PTGS2: variants seen among roughly 807,000 people sequenced by gnomAD.
The protein encoded by PTGS2 is prostaglandin-endoperoxide synthase 2.
PTGS2 carries 14 observed loss-of-function variants against 63.8 expected under a neutral mutation model. That is an observed-to-expected ratio of 0.22 (90% CI 0.14 to 0.34). The LOEUF (loss-of-function observed/expected upper bound fraction) is 0.34, where lower values mean the gene tolerates loss of function less well. Ranked by LOEUF, PTGS2 falls within the 10% of genes least tolerant of loss-of-function variation. PTGS2 has a pLI of 1.00. For missense variants in PTGS2, 533 were observed against 738.5 expected, an observed-to-expected ratio of 0.72 and a Z score of 3.23; for synonymous variants, 271 against 259.5, an observed-to-expected ratio of 1.04 and a Z score of -0.43.
chr1:186,675,807 T>C, intron 8 of PTGS2, 91 bp downstream of exon 8: 2 of 1,282,288 alleles, frequency 1.6e-6, no homozygotes, highest in Non-Finnish European at 2.1e-6. Context: ...CTAACTACTC[T>C]TTTAGTAAGT....
rs1194680056 is a variant in PTGS2, at chr1:186,676,865, G to A, written c.691C>T (p.Arg231Cys). 1.9e-6 allele frequency: 3 copies of A among 1,609,902 alleles called. No individual in the cohort carries two copies. The highest frequency in any genetic ancestry group is 1.3e-5 in the African/African-American group (1 of 74,798). ...GETLARQRKL[R>C]LFKDGKMKYQ... is the part of the protein sequence containing the mutation. Reference sequence around the variant, plus strand: ...TTCATTTTTCCATCCTTGAAAAGGCGCAGTTTACGCTGTCTAGCCAGAGTT... The same window carrying A: ...TTCATTTTTCCATCCTTGAAAAGGCACAGTTTACGCTGTCTAGCCAGAGTT... The change falls in exon 6 of 10, where the codon CGC becomes TGC. Residue 231 changes from arginine (R) to cysteine (C), a missense_variant. Physicochemically the swap from Arg to Cys is radical, Grantham distance 180. This residue lies in a region of PTGS2 where 118 missense variants were observed against 138.7 expected (regional missense o/e 0.85). Coordinates refer to ENST00000367468, the MANE Select transcript of PTGS2 (RefSeq NM_000963.4).
At chr1:186,678,465 T>G in intron 3 of PTGS2, 61 bp from the exon 4 acceptor site, 9 of 1,444,128 alleles carry the variant, frequency 6.2e-6, no homozygotes, top group Non-Finnish European at 8.4e-6. Flanking sequence ...AATCAACCAT[T>G]ATTTTTATTG....
intron 9 of PTGS2, among the ~76,000 whole-genome samples, chr1:186,675,034 C>T (rs965216703): frequency 3.3e-5 from 5 of 152,074 alleles, no homozygotes; most frequent in Non-Finnish European, 5.9e-5. Context: ...AAAAATTATC[C>T]ATGCGTGCGA....
In PTGS2 at chr1:186,676,301, A is replaced by G. The variant is rs573446951; in HGVS notation, c.971-117T>C. 1.2e-4 allele frequency: 168 copies of G among 1,370,200 alleles called. 2 individuals are homozygous for G. In the South Asian group the frequency reaches 2.3e-3, roughly 19 times the overall value. 84.9% of individuals were successfully genotyped at this position (1,370,200 alleles called of 1,614,324 possible). On this transcript the variant is annotated intron_variant, in intron 7 of 9. Coordinates refer to ENST00000367468, the MANE Select transcript of PTGS2 (RefSeq NM_000963.4). ...CTTCATTTCTGTTTTCTTCCTTGTC[A>G]GTATCAAAAGATAGCTATTTTATCA...
intron 7 of PTGS2, 58 bp downstream of exon 7, chr1:186,676,409 A>G (rs1190256428): frequency 6.3e-7 from 1 of 1,583,934 alleles, no homozygotes; most frequent in Non-Finnish European, 8.6e-7. Context: ...CATAACAAAG[A>G]TAGCACACTA....
chr1:186,678,260 C>T lies in PTGS2; in HGVS notation c.457+1G>A, dbSNP rs1323462344. ...ATCTCTAATGGATTCTTCTTACTCA[C>T]CTTTGACACCCAAGGGAGTCGGGCA... On this transcript the variant is annotated splice_donor_variant, in intron 4 of 9. Coordinates refer to ENST00000367468, the MANE Select transcript of PTGS2 (RefSeq NM_000963.4). LOFTEE classifies it high-confidence loss of function. The T allele has an allele frequency of 6.2e-7, 1 of 1,603,986 alleles. No homozygotes were observed. Among genetic ancestry groups the T allele is most frequent in the Non-Finnish European group, 8.5e-7 (1 of 1,175,884 alleles).
Position 186,674,577 on chromosome 1 carries a change from A to G in PTGS2, c.1591T>C (p.Trp531Arg). Residue 531 changes from tryptophan (W) to arginine (R), a missense_variant, in exon 10 of 10, where the codon TGG becomes CGG. Trp to Arg is a moderately radical substitution (Grantham distance 101, BLOSUM62 -3). Coordinates refer to ENST00000367468, the MANE Select transcript of PTGS2 (RefSeq NM_000963.4). Reference sequence around the variant, plus strand: ...TCTCCACCAAAAGTGCTTGGCTTCCAGTAGGCAGGAGAACATATAACATTA... The same window carrying G: ...TCTCCACCAAAAGTGCTTGGCTTCCGGTAGGCAGGAGAACATATAACATTA... ...MGNVICSPAY[W>R]KPSTFGGEVG... 1 of 1,614,250 alleles carries G rather than the reference A, an allele frequency of 6.2e-7. No homozygotes were observed. The highest frequency in any genetic ancestry group is 8.5e-7 in the Non-Finnish European group (1 of 1,180,046).
At position 186,678,376 on chromosome 1, in the gene PTGS2, T is replaced by A; in HGVS notation, c.342A>T (p.Pro114=). Residue 114 remains proline, a synonymous_variant, in exon 4 of 10, where the codon CCA becomes CCT. Transcript: ENST00000367468. Reference sequence around the variant, plus strand: ...TGTAGCCATAGTCAGCATTGTAAGTTGGTGGACTGTCAATCAAATGTGATC... The same window carrying A: ...TGTAGCCATAGTCAGCATTGTAAGTAGGTGGACTGTCAATCAAATGTGATC... ...TSRSHLIDSP[P]TYNADYGYKS... 6.2e-7 allele frequency: 1 copy of A among 1,609,844 alleles called. No individual in the cohort carries two copies. Among genetic ancestry groups the A allele is most frequent in the Non-Finnish European group, 8.5e-7 (1 of 1,177,890 alleles).
intron 8 of PTGS2, chr1:186,675,629 G>A (rs892857573): frequency 1.6e-6 from 1 of 619,810 alleles, no homozygotes; most frequent in Non-Finnish European, 2.7e-6. Context: ...TAGTATTCAA[G>A]CCTAAAATAT....
chr1:186,678,172 A>G, intron 4 of PTGS2, 89 bp downstream of exon 4: 1 of 1,326,916 alleles, frequency 7.5e-7, no homozygotes. Flanking sequence ...GTTAATAAAT[A>G]AATGGTAGTC....
Position 186,680,362 on chromosome 1 carries a change from G to A in PTGS2, c.-72C>T. On this transcript the variant is annotated 5_prime_UTR_variant, in exon 1 of 10. Transcript: ENST00000367468. ...AGGGCGTCTGGCTGTGGAGCTGAAG[G>A]AGGCGCTGCTGAGGAGTTCCTGGAC... 1 of 1,227,194 alleles carries A rather than the reference G, an allele frequency of 8.1e-7. No individual in the cohort carries two copies. The highest frequency in any genetic ancestry group is 2.4e-5 in the Admixed American group (1 of 40,858). The allele number at this position is 1,227,194 out of a possible 1,614,324, so 76.0% of individuals were successfully genotyped here.
chr1:186,677,660 G>A lies in PTGS2; in HGVS notation c.628C>T (p.Leu210=). Residue 210 remains leucine, a synonymous_variant, in exon 5 of 10, where the codon CTG becomes TTG. Coordinates refer to ENST00000367468, the MANE Select transcript of PTGS2 (RefSeq NM_000963.4). ...HKRGPAFTNG[L]GHGVDLNHIY... ...TAACTCTATCTTACCCCATGGCCCA[G>A]CCCGTTGGTGAAAGCTGGCCCTCGC... 1 of 1,610,906 alleles carries A rather than the reference G, an allele frequency of 6.2e-7. No homozygotes were observed. Among genetic ancestry groups the A allele is most frequent in the Non-Finnish European group, 8.5e-7 (1 of 1,178,874 alleles).
rs11567821 is a variant in PTGS2 at position 186,679,966 on chromosome 1, C to A, written c.52+273G>T. On this transcript the variant is annotated intron_variant, in intron 1 of 9. Coordinates refer to ENST00000367468, the MANE Select transcript of PTGS2 (RefSeq NM_000963.4). ...ATCAGATCCTGTCTTATCATAATGA[C>A]AACCTGCAAATTAGTATCATCTATC... Among the ~76,000 whole-genome samples, 1,506 of 152,318 alleles carry A rather than the reference C, an allele frequency of 9.9e-3. 26 individuals carry two copies. Among genetic ancestry groups the A allele is most frequent in the African/African-American group, 0.035 (1,442 of 41,570 alleles).
At position 186,672,065 on chromosome 1, in the gene PTGS2, C is replaced by A. The variant is rs689469; in HGVS notation, c.*2288G>T. On this transcript the variant is annotated 3_prime_UTR_variant, in exon 10 of 10. Coordinates refer to ENST00000367468, the MANE Select transcript of PTGS2 (RefSeq NM_000963.4). ...CTTTCTTAACCTTAAACATTCTAAA[C>A]GTAAAATTGTAAAGAAGATTCTCCT... The A allele has an allele frequency of 6.6e-6, 1 of 151,604 alleles. No homozygotes were observed. Among genetic ancestry groups the A allele is most frequent in the Admixed American group, 6.6e-5 (1 of 15,198 alleles). The allele number at this position is 151,604 out of a possible 1,614,324, so 9.4% of individuals were successfully genotyped here. A position where few individuals can be genotyped will look rare whatever the true frequency, so the allele number is the denominator to read the frequency against.
At chr1:186,675,446 T>C in intron 8 of PTGS2, 50 bp from the exon 9 acceptor site, 1 of 1,596,656 alleles carries the variant, frequency 6.3e-7, no homozygotes, top group Non-Finnish European at 8.5e-7. Context: ...GCATATTTAC[T>C]GTTTGTATTC....
In PTGS2 at chr1:186,675,410, A is replaced by C. The variant is rs1162551762; in HGVS notation, c.1258-14T>G. Reference sequence around the variant, plus strand: ...ACCACCAGCAACCTGTGGAAAGTAAAATTAGTTGTAAAACAAGAATTTTAG... The same window carrying C: ...ACCACCAGCAACCTGTGGAAAGTAACATTAGTTGTAAAACAAGAATTTTAG... On this transcript the variant is annotated splice_polypyrimidine_tract_variant and intron_variant, in intron 8 of 9. Transcript: ENST00000367468. 1.9e-6 allele frequency: 3 copies of C among 1,606,420 alleles called. No homozygotes were observed. In the South Asian group the frequency reaches 3.4e-5, roughly 18 times the overall value.
intron 9 of PTGS2, 44 bp downstream of exon 9, chr1:186,675,205 A>T (rs750658133): frequency 1.9e-6 from 3 of 1,596,770 alleles, no homozygotes; most frequent in Non-Finnish European, 2.6e-6. Context: ...AACAAAAACA[A>T]ACAAACAAAC....
At chr1:186,675,065 T>C (rs909525152) in intron 9 of PTGS2, among the ~76,000 whole-genome samples, 184 bp downstream of exon 9, 2 of 152,168 alleles carry the variant, frequency 1.3e-5, no homozygotes, top group Admixed American at 1.3e-4. Context: ...TAGTCCCAGC[T>C]ACTCAGGAAG....
chr1:186,676,980 T>A, intron 5 of PTGS2, 64 bp from the exon 6 acceptor site: 4 of 1,103,972 alleles, frequency 3.6e-6, no homozygotes, highest in Non-Finnish European at 5.3e-6. Flanking sequence ...AAAGTGTCTA[T>A]CATATAATTC....
Sources: gnomAD v4.1 joint callset for allele counts (sites outside exome capture counted in the v4.1 genomes callset) on GRCh38, gnomAD v4.1.1 for gene constraint, gnomAD v4.1.1 regional missense constraint, MANE v1.5 for transcripts, NCBI Gene and HGNC (gene_info 2026-07-23, HGNC 2026-07-21) for gene names.